The following TMEM62 variants were observed in gnomAD, a reference collection of about 807,000 sequenced individuals.
TMEM62 encodes the protein transmembrane protein 62.
In TMEM62, 41 loss-of-function variants were observed where a neutral mutation model predicts 70.4. That is an observed-to-expected ratio of 0.58 (90% CI 0.45 to 0.76). The LOEUF (loss-of-function observed/expected upper bound fraction) is 0.76. TMEM62 is among the 30% of genes least tolerant of loss of function. The pLI, the probability that TMEM62 is intolerant of heterozygous loss-of-function variation, is 0.00. For synonymous variants in TMEM62, 268 were observed against 291.0 expected (o/e 0.92, Z 0.80); for missense variants, 688 against 788.5 (o/e 0.87, Z 1.53).
At chr15:43,143,776 T>C (rs1192330447) in intron 4 of TMEM62, among the ~76,000 whole-genome samples, 1 of 152,238 alleles carries the variant, frequency 6.6e-6, no homozygotes, top group Non-Finnish European at 1.5e-5. Flanking sequence ...AAACCAATTG[T>C]CTAGTTTCAT....
intron 11 of TMEM62, among the ~76,000 whole-genome samples, chr15:43,171,622 T>TG (rs1427015283): frequency 1.4e-3 from 204 of 146,848 alleles, no homozygotes; most frequent in African/African-American, 5.0e-3. Context: ...AACTTTTTTT[T>TG]TTTTTTTTTT....
At chr15:43,149,852 G>A (rs1420394114) in intron 7 of TMEM62, among the ~76,000 whole-genome samples, 3 of 152,224 alleles carry the variant, frequency 2.0e-5, no homozygotes, top group Non-Finnish European at 4.4e-5. Context: ...CAAGATGGTA[G>A]TGATTTAACT....
chr15:43,165,819 G>A (rs542905304), intron 10 of TMEM62, among the ~76,000 whole-genome samples: 1 of 152,124 alleles, frequency 6.6e-6, no homozygotes, highest in East Asian at 1.9e-4. Flanking sequence ...TTCCTTTTCT[G>A]TGTTTTCAAG....
intron 11 of TMEM62, 37 bp from the exon 12 acceptor site, chr15:43,178,570 A>G: frequency 2.3e-6 from 3 of 1,306,816 alleles, no homozygotes; most frequent in Middle Eastern, 1.8e-4. Flanking sequence ...TGAACTTTGC[A>G]TGTGTTCACT....
At chr15:43,156,273 T>C (rs2038036541) in intron 9 of TMEM62, among the ~76,000 whole-genome samples, 1 of 152,220 alleles carries the variant, frequency 6.6e-6, no homozygotes, top group African/African-American at 2.4e-5. Flanking sequence ...AATTTTTTAC[T>C]TAATCCACAA....
At chr15:43,167,881 G>C (rs1331939590) in intron 10 of TMEM62, among the ~76,000 whole-genome samples, 2 of 152,306 alleles carry the variant, frequency 1.3e-5, no homozygotes, top group African/African-American at 4.8e-5. Flanking sequence ...CGGCACCTCG[G>C]GAGGCCGAGG....
At chr15:43,145,354 G>A (rs936953969) in intron 4 of TMEM62, among the ~76,000 whole-genome samples, 1 of 151,382 alleles carries the variant, frequency 6.6e-6, no homozygotes, top group Admixed American at 6.6e-5. Context: ...ACAGGCGCCC[G>A]CCAGCACGCC....
chr15:43,172,021 T>C (rs1430496724), intron 11 of TMEM62, among the ~76,000 whole-genome samples: 1 of 152,214 alleles, frequency 6.6e-6, no homozygotes, highest in Non-Finnish European at 1.5e-5. Flanking sequence ...CATGAATATA[T>C]AGTTTATAAT....
intron 11 of TMEM62, among the ~76,000 whole-genome samples, chr15:43,175,695 G>A (rs976758599): frequency 1.3e-5 from 2 of 152,238 alleles, no homozygotes; most frequent in Non-Finnish European, 2.9e-5. Context: ...TAGGGAAAGC[G>A]CTGGCAGCCA....
Position 43,170,466 on chromosome 15 carries a change from T to C in TMEM62, c.1381+789T>C, listed in dbSNP as rs565745993. Reference sequence around the variant, plus strand: ...AGGAATAGATGTCATTGTGAAGTAATAGTCACTCACTTAAACAGAGAGACA... The same window carrying C: ...AGGAATAGATGTCATTGTGAAGTAACAGTCACTCACTTAAACAGAGAGACA... On this transcript the variant is annotated intron_variant, in intron 11 of 13. Coordinates refer to ENST00000260403, the MANE Select transcript of TMEM62 (RefSeq NM_024956.4). 3.3e-5 allele frequency among the ~76,000 whole-genome samples: 5 copies of C among 152,314 alleles called. 1 individual carries two copies. The highest frequency in any genetic ancestry group is 1.2e-4 in the African/African-American group (5 of 41,568).
Position 43,149,022 on chromosome 15 carries a change from T to C in TMEM62, c.744-7T>C, listed in dbSNP as rs777390786. 1 of 1,612,988 alleles carries C rather than the reference T, an allele frequency of 6.2e-7. No homozygotes were observed. The highest frequency in any genetic ancestry group is 1.1e-5 in the South Asian group (1 of 90,708). ...TTCATTTATTTCATTTATTTTTCATTGGTTAGTTCGGCTATAGCTTATTTG... is the reference window on the plus strand; with the variant it reads ...TTCATTTATTTCATTTATTTTTCATCGGTTAGTTCGGCTATAGCTTATTTG... On this transcript the variant is annotated splice_region_variant and splice_polypyrimidine_tract_variant and intron_variant, in intron 6 of 13. Transcript: ENST00000260403.
At chr15:43,134,173 T>G in intron 1 of TMEM62, 84 bp from the exon 2 acceptor site, 1 of 1,511,602 alleles carries the variant, frequency 6.6e-7, no homozygotes, top group Admixed American at 1.8e-5. Context: ...CTTTTCCTTC[T>G]GCCCGAGAGA....
intron 10 of TMEM62, among the ~76,000 whole-genome samples, chr15:43,165,703 A>G (rs1184521506): frequency 6.6e-6 from 1 of 151,980 alleles, no homozygotes; most frequent in African/African-American, 2.4e-5. Flanking sequence ...ACTGCACTCC[A>G]GCCTGGGTAA....
intron 10 of TMEM62, among the ~76,000 whole-genome samples, chr15:43,167,430 T>G (rs1334222266): frequency 4.4e-5 from 6 of 136,146 alleles, no homozygotes; most frequent in East Asian, 2.2e-4. Flanking sequence ...AGGCAGAGGG[T>G]CTCCTCACTT....
intron 3 of TMEM62, 56 bp from the exon 4 acceptor site, chr15:43,138,518 T>G: frequency 1.5e-6 from 2 of 1,336,804 alleles, no homozygotes; most frequent in Non-Finnish European, 2.1e-6. Flanking sequence ...AAGAAAATGT[T>G]TGTATTCTTT....
rs2034718423 is a variant in TMEM62, at chr15:43,133,723, G to GCTGC, written c.-80_-79insCTGC. 9.7e-7 allele frequency: 1 copy of GCTGC among 1,026,674 alleles called. No homozygotes were observed. The highest frequency in any genetic ancestry group is 3.4e-5 in the South Asian group (1 of 29,116). 63.6% of individuals were successfully genotyped at this position (1,026,674 alleles called of 1,614,324 possible). A position where few individuals can be genotyped will look rare whatever the true frequency, so the allele number is the denominator to read the frequency against. On this transcript the variant is annotated 5_prime_UTR_variant, in exon 1 of 14. Transcript: ENST00000260403. The stretch of plus-strand genomic sequence containing the variant: ...GGCCCTGCGACAATAGAGTCCGGAA[G>GCTGC]TGCAGGCAAAGCGGCTCCCGGGAGC...
At chr15:43,154,407 G>C (rs2037790480) in intron 8 of TMEM62, among the ~76,000 whole-genome samples, 1 of 152,142 alleles carries the variant, frequency 6.6e-6, no homozygotes, top group Non-Finnish European at 1.5e-5. Context: ...ACCTTACCTA[G>C]ATTTGTCAAA....
intron 11 of TMEM62, among the ~76,000 whole-genome samples, chr15:43,170,082 A>G (rs1410746366): frequency 6.6e-6 from 1 of 152,210 alleles, no homozygotes; most frequent in Non-Finnish European, 1.5e-5. Context: ...GGTCAGCCAC[A>G]ATATACTGGG....
At chr15:43,145,272 T>A (rs2036529078) in intron 4 of TMEM62, among the ~76,000 whole-genome samples, 1 of 145,682 alleles carries the variant, frequency 6.9e-6, no homozygotes, top group African/African-American at 2.5e-5. Flanking sequence ...TGGCACGATC[T>A]CCACTCACTG....
Sources: gnomAD v4.1 joint callset for allele counts (sites outside exome capture counted in the v4.1 genomes callset) on GRCh38, gnomAD v4.1.1 for gene constraint, MANE v1.5 for transcripts, NCBI Gene and HGNC (gene_info 2026-07-23, HGNC 2026-07-21) for gene names.